The following PRLR variants were observed in gnomAD, a reference collection of about 807,000 sequenced individuals.
PRLR encodes hPRL receptor.
Under a neutral mutation model 40.2 loss-of-function variants are expected in PRLR, and 13 were observed. The observed-to-expected ratio is 0.32, with a 90% confidence interval of 0.21 to 0.51. The LOEUF (loss-of-function observed/expected upper bound fraction) is 0.51, where lower values mean the gene tolerates loss of function less well. PRLR is among the 20% of genes least tolerant of loss of function. The probability of loss-of-function intolerance (pLI) is 0.97; values close to 1 mark genes in which losing one functional copy is unlikely to be tolerated. For synonymous variants in PRLR, 269 were observed against 278.7 expected (o/e 0.97, Z 0.35); for missense variants, 656 against 747.3 (o/e 0.88, Z 1.42).
chr5:35,187,427 G>T (rs1775477311), intron 1 of PRLR, among the ~76,000 whole-genome samples: 1 of 151,758 alleles, frequency 6.6e-6, no homozygotes, highest in Non-Finnish European at 1.5e-5. Context: ...GAAGAAGGTT[G>T]TTATGGGGAG....
chr5:35,152,648 T>C (rs1299878083), intron 1 of PRLR: 1 of 152,214 alleles, frequency 6.6e-6, no homozygotes, highest in Non-Finnish European at 1.5e-5. Context: ...AATTAAACTT[T>C]GTAGGCCAGT....
intron 1 of PRLR, among the ~76,000 whole-genome samples, chr5:35,170,860 CAT>C (rs1358800134): frequency 1.3e-5 from 2 of 152,126 alleles, no homozygotes; most frequent in South Asian, 2.1e-4. Context: ...ATTAAATAAA[CAT>C]ATATTGAGGG....
chr5:35,103,187 A>C (rs1772006329), intron 2 of PRLR, among the ~76,000 whole-genome samples: 1 of 152,200 alleles, frequency 6.6e-6, no homozygotes, highest in Non-Finnish European at 1.5e-5. Context: ...TGGATAGGTG[A>C]GTTTTAAATA....
At chr5:35,101,139 A>C (rs2112511244) in intron 2 of PRLR, among the ~76,000 whole-genome samples, 1 of 152,316 alleles carries the variant, frequency 6.6e-6, no homozygotes, top group Admixed American at 6.5e-5. Flanking sequence ...TCAAAGTTCC[A>C]GAACAATCTC....
Position 35,180,813 on chromosome 5 carries a change from C to T in PRLR, c.-106+49455G>A, listed in dbSNP as rs771869573. 9.2e-4 allele frequency among the ~76,000 whole-genome samples: 140 copies of T among 152,110 alleles called. 1 individual carries two copies. Among genetic ancestry groups the T allele is most frequent in the Non-Finnish European group, 1.3e-3 (89 of 68,038 alleles). On this transcript the variant is annotated intron_variant, in intron 1 of 9. Transcript: ENST00000618457. ...AAGTGTTCTCATTGTTCAATTCGCA[C>T]CTATGAGTGAGAACATGCGGTGTTC...
At chr5:35,110,421 C>T (rs1362281684) in intron 2 of PRLR, among the ~76,000 whole-genome samples, 2 of 152,092 alleles carry the variant, frequency 1.3e-5, no homozygotes, top group Admixed American at 6.6e-5. Flanking sequence ...CTCTATAGAA[C>T]ATTTCATAGC....
At chr5:35,192,387 C>G (rs1390895497) in intron 1 of PRLR, among the ~76,000 whole-genome samples, 1 of 152,216 alleles carries the variant, frequency 6.6e-6, no homozygotes, top group East Asian at 1.9e-4. Flanking sequence ...TCTTAATTCT[C>G]TAAGGACTCC....
At chr5:35,212,457 T>A (rs1429490874) in intron 1 of PRLR, among the ~76,000 whole-genome samples, 1 of 152,216 alleles carries the variant, frequency 6.6e-6, no homozygotes, top group Non-Finnish European at 1.5e-5. Flanking sequence ...GGCTTCTGAT[T>A]TTTAGAACAT....
At chr5:35,131,694 C>G (rs1339089778) in intron 1 of PRLR, among the ~76,000 whole-genome samples, 1 of 152,078 alleles carries the variant, frequency 6.6e-6, no homozygotes, top group Non-Finnish European at 1.5e-5. Flanking sequence ...GCTTGGAACT[C>G]TGAACATATA....
In PRLR at chr5:35,064,275, T is replaced by C. The variant is rs1769212681; in HGVS notation, c.*814A>G. ...ATTAGCATCCTGCTGTGGTTTTCTT[T>C]TCAAGTTAGTCTTTAGGGAATTTTT... On this transcript the variant is annotated 3_prime_UTR_variant, in exon 10 of 10. Coordinates refer to ENST00000618457, the MANE Select transcript of PRLR (RefSeq NM_000949.7). 1 of 152,218 alleles carries C rather than the reference T, an allele frequency of 6.6e-6. No individual in the cohort carries two copies. The highest frequency in any genetic ancestry group is 1.5e-5 in the Non-Finnish European group (1 of 68,038). 9.4% of individuals were successfully genotyped at this position (152,218 alleles called of 1,614,324 possible). A position where few individuals can be genotyped will look rare whatever the true frequency, so the allele number is the denominator to read the frequency against.
At chr5:35,135,092 T>TG (rs1773812674) in intron 1 of PRLR, among the ~76,000 whole-genome samples, 1 of 137,734 alleles carries the variant, frequency 7.3e-6, no homozygotes, top group Non-Finnish European at 1.5e-5. Context: ...AGATTTGTGT[T>TG]TTTTTTTTTT....
intron 1 of PRLR, among the ~76,000 whole-genome samples, chr5:35,202,160 G>T (rs1775899881): frequency 6.6e-6 from 1 of 152,118 alleles, no homozygotes; most frequent in African/African-American, 2.4e-5. Context: ...CCTACCAATT[G>T]CTTCTTACAG....
chr5:35,100,302 A>C (rs1477741946), intron 2 of PRLR, among the ~76,000 whole-genome samples: 1 of 152,174 alleles, frequency 6.6e-6, no homozygotes, highest in Non-Finnish European at 1.5e-5. Context: ...GGTGTAGCTT[A>C]AGTGTACAGT....
chr5:35,110,186 G>T (rs1301120775), intron 2 of PRLR, among the ~76,000 whole-genome samples: 1 of 152,116 alleles, frequency 6.6e-6, no homozygotes, highest in African/African-American at 2.4e-5. Flanking sequence ...TTGGACACAG[G>T]GTGGGGAACA....
rs556840737 is a variant in PRLR, at chr5:35,183,391, A to G, written c.-106+46877T>C. ...CAGTCTGTTTCCTTGTCGCCCCCCA[A>G]TGGACACCCAGTGAGTTGCCAATGT... On this transcript the variant is annotated intron_variant, in intron 1 of 9. Coordinates refer to ENST00000618457, the MANE Select transcript of PRLR (RefSeq NM_000949.7). Among the ~76,000 whole-genome samples, 13 of 152,270 alleles carry G rather than the reference A, an allele frequency of 8.5e-5. 1 individual carries two copies. The highest frequency in any genetic ancestry group is 3.3e-4 in the Admixed American group (5 of 15,298).
chr5:35,075,521 TG>T (rs1199020810), intron 5 of PRLR, among the ~76,000 whole-genome samples: 3 of 152,140 alleles, frequency 2.0e-5, no homozygotes, highest in African/African-American at 4.8e-5. Flanking sequence ...GGCTTGAGAT[TG>T]TAAACAAAGT....
intron 9 of PRLR, among the ~76,000 whole-genome samples, chr5:35,066,899 G>A (rs926818100): frequency 3.8e-4 from 58 of 151,796 alleles, no homozygotes; most frequent in African/African-American, 1.4e-3. Context: ...GAGTAGCTGG[G>A]ACAACAGGCG....
chr5:35,086,084 C>T lies in PRLR; in HGVS notation c.203+124G>A. 3 of 1,205,026 alleles carry T rather than the reference C, an allele frequency of 2.5e-6. No homozygotes were observed. In the South Asian group the frequency reaches 4.3e-5, roughly 17 times the overall value. 74.6% of individuals were successfully genotyped at this position (1,205,026 alleles called of 1,614,324 possible). A position where few individuals can be genotyped will look rare whatever the true frequency, so the allele number is the denominator to read the frequency against. ...GCATGGACCTTAGACTCCCCTTTCC[C>T]CGGTGGTATGAACCTTACTGGTGTA... On this transcript the variant is annotated intron_variant, in intron 4 of 9. Coordinates refer to ENST00000618457, the MANE Select transcript of PRLR (RefSeq NM_000949.7).
chr5:35,199,388 A>G (rs924965524), intron 1 of PRLR, among the ~76,000 whole-genome samples: 1 of 152,230 alleles, frequency 6.6e-6, no homozygotes, highest in African/African-American at 2.4e-5. Flanking sequence ...ATTTTCTGAA[A>G]GAAACAGCTG....
Sources: allele counts gnomAD v4.1 joint callset (sites outside exome capture counted in the v4.1 genomes callset), GRCh38; gene constraint gnomAD v4.1.1; transcripts MANE v1.5; gene names NCBI Gene and HGNC (gene_info 2026-07-23, HGNC 2026-07-21).